Variants in FMN1 observed in about 807,000 individuals in gnomAD.
The protein encoded by FMN1 is formin 1.
FMN1 carries 110 observed loss-of-function variants against 132.4 expected under a neutral mutation model. The observed-to-expected ratio is 0.83, with a 90% CI of 0.71 to 0.97. The LOEUF (loss-of-function observed/expected upper bound fraction) is 0.97. Among genes scored for constraint, FMN1 ranks in the 50% least tolerant of loss-of-function variants. The probability of loss-of-function intolerance (pLI) is 0.00; values close to 1 mark genes in which losing one functional copy is unlikely to be tolerated. For synonymous variants in FMN1, 722 were observed against 651.7 expected, an observed-to-expected ratio of 1.11 and a Z score of -1.64; for missense variants, 1,792 against 1,705.3, an observed-to-expected ratio of 1.05 and a Z score of -0.90.
Position 32,778,627 on chromosome 15 carries a change from G to A in FMN1, c.4131-1708C>T, listed in dbSNP as rs118159828. On this transcript the variant is annotated intron_variant, in intron 19 of 20. Transcript: ENST00000616417. Reference sequence around the variant, plus strand: ...GATACCACTTCACATCCACTAGGACGGCTAGAATCAGAAAGGAAGACAGTA... The same window carrying A: ...GATACCACTTCACATCCACTAGGACAGCTAGAATCAGAAAGGAAGACAGTA... 1.2e-3 allele frequency among the ~76,000 whole-genome samples: 181 copies of A among 152,094 alleles called. 2 individuals are homozygous for A. Among genetic ancestry groups the A allele is most frequent in the Middle Eastern group, 6.8e-3 (2 of 292 alleles).
chr15:33,035,961 G>C (rs555669505), intron 6 of FMN1, among the ~76,000 whole-genome samples: 1 of 152,222 alleles, frequency 6.6e-6, no homozygotes, highest in East Asian at 1.9e-4. Context: ...AAGAGGAAGA[G>C]AGACCTGTGT....
At chr15:33,066,612 C>T in intron 5 of FMN1, 1 of 1,613,870 alleles carries the variant, frequency 6.2e-7, no homozygotes, top group South Asian at 1.1e-5. Flanking sequence ...TTGAGAGCTT[C>T]CAGCTCAGAG....
intron 4 of FMN1, among the ~76,000 whole-genome samples, chr15:33,093,640 G>GT (rs1273853759): frequency 6.6e-6 from 1 of 152,190 alleles, no homozygotes; most frequent in East Asian, 1.9e-4. Context: ...AGAAGGTGTG[G>GT]TATCTATCCA....
At chr15:33,121,904 A>C (rs1160163674) in intron 4 of FMN1, among the ~76,000 whole-genome samples, 2 of 152,224 alleles carry the variant, frequency 1.3e-5, no homozygotes, top group Non-Finnish European at 2.9e-5. Flanking sequence ...TTAGAGCCAC[A>C]ATAAGAAAAA....
chr15:32,830,336 C>G (rs1470788756), intron 17 of FMN1, among the ~76,000 whole-genome samples: 2 of 152,014 alleles, frequency 1.3e-5, no homozygotes, highest in African/African-American at 2.4e-5. Flanking sequence ...GACTCATTGT[C>G]TTCTCTTCTT....
chr15:33,064,636 C>G (rs1381127991), intron 6 of FMN1: 1 of 198,132 alleles, frequency 5.0e-6, no homozygotes, highest in African/African-American at 2.3e-5. Context: ...ACACTGCCAG[C>G]TCACAAAATT....
At chr15:33,124,946 GTT>G (rs2140192565) in intron 4 of FMN1, among the ~76,000 whole-genome samples, 1 of 152,012 alleles carries the variant, frequency 6.6e-6, no homozygotes, top group South Asian at 2.1e-4. Context: ...CTCCACTGAG[GTT>G]TTGATTTCTT....
At chr15:32,971,450 C>A (rs1052479410) in intron 7 of FMN1, among the ~76,000 whole-genome samples, 9 of 152,204 alleles carry the variant, frequency 5.9e-5, no homozygotes, top group Admixed American at 1.3e-4. Flanking sequence ...TAATTTCGAG[C>A]TTCACTCAAC....
At chr15:32,953,681 G>A (rs1033582833) in intron 9 of FMN1, among the ~76,000 whole-genome samples, 6 of 152,302 alleles carry the variant, frequency 3.9e-5, no homozygotes, top group Admixed American at 1.3e-4. Context: ...CCTCTCGACC[G>A]TGGAAACTCT....
chr15:32,904,128 A>G (rs186116648), intron 12 of FMN1, among the ~76,000 whole-genome samples: 34 of 152,220 alleles, frequency 2.2e-4, no homozygotes, highest in Non-Finnish European at 4.6e-4. Flanking sequence ...GAAGTAAACC[A>G]ACAATTACTG....
intron 4 of FMN1, among the ~76,000 whole-genome samples, chr15:33,127,292 A>G (rs1157347493): frequency 6.6e-6 from 1 of 152,196 alleles, no homozygotes; most frequent in South Asian, 2.1e-4. Flanking sequence ...GAATCCGTCA[A>G]ATAAGTAACG....
intron 16 of FMN1, among the ~76,000 whole-genome samples, chr15:32,857,787 A>G (rs2059170216): frequency 6.6e-6 from 1 of 152,226 alleles, no homozygotes; most frequent in South Asian, 2.1e-4. Context: ...ACTTTTTAAA[A>G]ATGACCTACC....
At chr15:32,783,513 G>A (rs1184995177) in intron 19 of FMN1, among the ~76,000 whole-genome samples, 1 of 151,992 alleles carries the variant, frequency 6.6e-6, no homozygotes, top group Non-Finnish European at 1.5e-5. Context: ...TTGGGAGGCC[G>A]AGGTGAGTGG....
intron 16 of FMN1, 109 bp downstream of exon 16, chr15:32,888,063 T>C (rs967084007): frequency 4.4e-6 from 4 of 899,292 alleles, no homozygotes; most frequent in Non-Finnish European, 6.4e-6. Context: ...GTACCATTGC[T>C]GAACTCTGCA....
intron 19 of FMN1, among the ~76,000 whole-genome samples, chr15:32,785,218 A>ATATATATATATTTTTTTT (rs1444523400): frequency 1.0e-4 from 4 of 39,202 alleles, no homozygotes; most frequent in South Asian, 9.1e-4. Context: ...ATATATATAT[A>ATATATATATATTTTTTTT]TTTTTTTTTT....
intron 12 of FMN1, among the ~76,000 whole-genome samples, chr15:32,904,781 C>CCT (rs1360840909): frequency 2.0e-5 from 3 of 152,162 alleles, no homozygotes; most frequent in Admixed American, 6.5e-5. Flanking sequence ...CACCATAGCT[C>CCT]CTCTCTTATT....
chr15:33,156,273 G>GTTTT (rs59517614), intron 3 of FMN1, among the ~76,000 whole-genome samples: 1 of 87,248 alleles, frequency 1.1e-5, no homozygotes, highest in Non-Finnish European at 2.2e-5. Flanking sequence ...CACTCAAGTA[G>GTTTT]TTTTTTTTTT....
In FMN1 at chr15:32,766,287, A is replaced by T. The variant is rs2140806975; in HGVS notation, c.*8023T>A. ...CAACATCCTGATTCAGAACAGGGGT[A>T]GATGTTTGAATCATGAATAGTAGTA... On this transcript the variant is annotated 3_prime_UTR_variant, in exon 21 of 21. Coordinates refer to ENST00000616417, the MANE Select transcript of FMN1 (RefSeq NM_001277313.2). The T allele has an allele frequency of 6.6e-6, 1 of 152,362 alleles. No individual in the cohort carries two copies. The highest frequency in any genetic ancestry group is 1.5e-5 in the Non-Finnish European group (1 of 68,030). The allele number at this position is 152,362 out of a possible 1,614,324, so 9.4% of individuals were successfully genotyped here.
rs543804158 is a variant in FMN1, at chr15:32,768,936, G to A, written c.*5374C>T. The A allele has an allele frequency of 1.3e-5, 2 of 152,314 alleles. No individual in the cohort carries two copies. The highest frequency in any genetic ancestry group is 4.8e-5 in the African/African-American group (2 of 41,568). The allele number at this position is 152,314 out of a possible 1,614,324, so 9.4% of individuals were successfully genotyped here. A position where few individuals can be genotyped will look rare whatever the true frequency, so the allele number is the denominator to read the frequency against. ...AATATAAAGTCTGGAGTTCACATGA[G>A]CTCTTGACTGAAGGACACGATCCTA... On this transcript the variant is annotated 3_prime_UTR_variant, in exon 21 of 21. Coordinates refer to ENST00000616417, the MANE Select transcript of FMN1 (RefSeq NM_001277313.2).
Sources: gnomAD v4.1 joint callset for allele counts (sites outside exome capture counted in the v4.1 genomes callset) on GRCh38, gnomAD v4.1.1 for gene constraint, MANE v1.5 for transcripts, NCBI Gene and HGNC (gene_info 2026-07-23, HGNC 2026-07-21) for gene names.